Variants in TRPC5 observed in about 807,000 individuals in gnomAD.
TRPC5 encodes transient receptor potential cation channel subfamily C member 5, also known as short transient receptor potential channel 5.
In TRPC5, 9 loss-of-function variants were observed where a neutral mutation model predicts 56.5. The ratio of observed to expected loss-of-function variants is 0.16; its 90% CI spans 0.10 to 0.28. TRPC5 has a LOEUF of 0.28. Among genes scored for constraint, TRPC5 ranks in the 10% least tolerant of loss-of-function variants. The pLI, the probability that TRPC5 is intolerant of heterozygous loss-of-function variation, is 1.00. For missense variants in TRPC5, 469 were observed against 748.9 expected, an observed-to-expected ratio of 0.63 and a Z score of 4.36; for synonymous variants, 282 against 278.5, an observed-to-expected ratio of 1.01 and a Z score of -0.13.
intron 1 of TRPC5, among the ~76,000 whole-genome samples, chrX:111,979,065 T>G (rs1051359089): frequency 5.4e-5 from 6 of 111,029 alleles, no homozygotes; most frequent in Non-Finnish European, 1.1e-4. Flanking sequence ...AAATGAAAGA[T>G]GTACACATTG....
At chrX:111,917,642 T>C (rs962473334) in intron 2 of TRPC5, among the ~76,000 whole-genome samples, 11 of 112,017 alleles carry the variant, frequency 9.8e-5, no homozygotes, top group African/African-American at 3.6e-4. Context: ...GGGCTGAAAA[T>C]ATAGATGTGA....
chrX:112,023,136 G>A (rs997144841), intron 1 of TRPC5, among the ~76,000 whole-genome samples: 4 of 107,508 alleles, frequency 3.7e-5, no homozygotes, highest in African/African-American at 1.0e-4. Flanking sequence ...GGGTTTCACC[G>A]TGTTAGCCAG....
intron 1 of TRPC5, among the ~76,000 whole-genome samples, chrX:111,964,194 T>C (rs1165963669): frequency 1.4e-4 from 16 of 111,764 alleles, no homozygotes; most frequent in African/African-American, 4.2e-4. Context: ...CCTCAGGAGC[T>C]GATGCGATCA....
At chrX:112,040,812 G>A (rs188844093) in intron 1 of TRPC5, among the ~76,000 whole-genome samples, 30 of 111,691 alleles carry the variant, frequency 2.7e-4, no homozygotes, top group Non-Finnish European at 4.3e-4. Context: ...CTTAGTTTGG[G>A]CTCCCACAAG....
chrX:111,839,929 G>A (rs1156601245), intron 6 of TRPC5, among the ~76,000 whole-genome samples: 1 of 111,410 alleles, frequency 9.0e-6, no homozygotes, highest in East Asian at 2.8e-4. Context: ...CCAGCACTTT[G>A]GGAGGCCAAG....
At chrX:111,823,933 T>C (rs948664980) in intron 7 of TRPC5, among the ~76,000 whole-genome samples, 2 of 111,105 alleles carry the variant, frequency 1.8e-5, no homozygotes, top group Non-Finnish European at 3.8e-5. Context: ...ACAGACCTTA[T>C]TAAGAGTATG....
intron 1 of TRPC5, among the ~76,000 whole-genome samples, chrX:112,015,330 C>T (rs1260625523): frequency 9.0e-6 from 1 of 111,502 alleles, no homozygotes; most frequent in Non-Finnish European, 1.9e-5. Context: ...GCAGATTTTC[C>T]CCCTCTCAGA....
chrX:111,815,148 A>G (rs1921820788), intron 7 of TRPC5, among the ~76,000 whole-genome samples: 1 of 111,809 alleles, frequency 8.9e-6, no homozygotes, highest in African/African-American at 3.3e-5. Context: ...CTACCATATG[A>G]AAACTCAAGA....
chrX:111,991,699 A>G (rs1168210333), intron 1 of TRPC5, among the ~76,000 whole-genome samples: 1 of 112,409 alleles, frequency 8.9e-6, no homozygotes. Flanking sequence ...TATTCATCAA[A>G]TAAATAATTT....
At chrX:111,971,734 T>G (rs1262265723) in intron 1 of TRPC5, among the ~76,000 whole-genome samples, 1 of 112,065 alleles carries the variant, frequency 8.9e-6, no homozygotes, top group African/African-American at 3.2e-5. Flanking sequence ...TATTGCCTGT[T>G]AATGATTGCT....
chrX:111,794,531 CTAAG>C (rs1189623062), intron 7 of TRPC5, among the ~76,000 whole-genome samples: 2 of 111,892 alleles, frequency 1.8e-5, no homozygotes, highest in African/African-American at 3.3e-5. Context: ...AAGCTTATAA[CTAAG>C]TATTTCATTT....
intron 1 of TRPC5, among the ~76,000 whole-genome samples, chrX:112,013,313 G>A (rs1325315524): frequency 1.8e-5 from 2 of 111,422 alleles, no homozygotes; most frequent in Non-Finnish European, 3.8e-5. Context: ...ACCATGCCCA[G>A]CTAATTTTTG....
intron 1 of TRPC5, among the ~76,000 whole-genome samples, chrX:111,994,811 G>A (rs753671033): frequency 6.3e-5 from 7 of 111,851 alleles, no homozygotes; most frequent in African/African-American, 1.6e-4. Context: ...GGGCTGAGAC[G>A]ATGGGGTTTT....
chrX:111,843,986 C>T (rs1001032745), intron 6 of TRPC5, among the ~76,000 whole-genome samples: 2 of 105,966 alleles, frequency 1.9e-5, no homozygotes, highest in African/African-American at 3.5e-5. Flanking sequence ...AGGGATACTT[C>T]GGAAGTAGAA....
intron 1 of TRPC5, among the ~76,000 whole-genome samples, chrX:112,064,899 C>G (rs779945667): frequency 9.1e-6 from 1 of 109,898 alleles, no homozygotes; most frequent in Admixed American, 9.6e-5. Flanking sequence ...ACGGTGAAAC[C>G]CTGTCTCTAC....
Position 111,852,279 on chromosome X carries a change from G to A in TRPC5, c.1377+19C>T, listed in dbSNP as rs768525368. The A allele has an allele frequency of 1.1e-5, 13 of 1,200,832 alleles. No individual in the cohort carries two copies. The South Asian group carries it at 2.0e-4, about 19-fold the overall frequency. ...GCCAAAATCGCTGTGTAGGAAATATGGCAGACATTCCAATTTACCTTGACA... is the reference window on the plus strand; with the variant it reads ...GCCAAAATCGCTGTGTAGGAAATATAGCAGACATTCCAATTTACCTTGACA... On this transcript the variant is annotated intron_variant, in intron 5 of 10. Transcript: ENST00000262839.
intron 1 of TRPC5, among the ~76,000 whole-genome samples, chrX:111,981,235 C>A (rs867600669): frequency 8.2e-5 from 9 of 109,725 alleles, no homozygotes; most frequent in Middle Eastern, 4.7e-3. Context: ...CTTGAGACCC[C>A]TAAAAAGCTG....
At chrX:111,796,172 A>G (rs1428413219) in intron 7 of TRPC5, among the ~76,000 whole-genome samples, 1 of 111,190 alleles carries the variant, frequency 9.0e-6, no homozygotes, top group African/African-American at 3.3e-5. Flanking sequence ...TTTTTTTATC[A>G]CCTCTATCAC....
At chrX:112,078,391 T>G (rs1930886768) in intron 1 of TRPC5, among the ~76,000 whole-genome samples, 1 of 111,689 alleles carries the variant, frequency 9.0e-6, no homozygotes, top group Non-Finnish European at 1.9e-5. Context: ...CCACAGAACT[T>G]CAGAAAATGT....
Sources: gnomAD v4.1 joint callset for allele counts (sites outside exome capture counted in the v4.1 genomes callset) on GRCh38, gnomAD v4.1.1 for gene constraint, MANE v1.5 for transcripts, NCBI Gene and HGNC (gene_info 2026-07-23, HGNC 2026-07-21) for gene names.